The following SAXO1 variants were observed in gnomAD, a reference collection of about 807,000 sequenced individuals.
The protein encoded by SAXO1 is stabilizer of axonemal microtubules 1, also known as 4930500O09Rik.
Under a neutral mutation model 17.5 loss-of-function variants are expected in SAXO1, and 21 were observed. The ratio of observed to expected loss-of-function variants is 1.20; its 90% CI spans 0.85 to 1.72. The LOEUF (loss-of-function observed/expected upper bound fraction) is 1.72, where lower values mean the gene tolerates loss of function less well. Among genes scored for constraint, SAXO1 ranks in the 40% most tolerant of loss-of-function variants. SAXO1 has a pLI of 0.00. For missense variants in SAXO1, 843 were observed against 596.0 expected, an observed-to-expected ratio of 1.41 and a Z score of -4.32; for synonymous variants, 274 against 216.5, an observed-to-expected ratio of 1.27 and a Z score of -2.33.
chr9:19,007,957 A>G (rs1183315500), intron 1 of SAXO1, among the ~76,000 whole-genome samples: 1 of 151,244 alleles, frequency 6.6e-6, no homozygotes, highest in Non-Finnish European at 1.5e-5. Flanking sequence ...AAGTCCTCAA[A>G]CATTTACTAC....
At chr9:18,980,686 C>A (rs1263711036) in intron 1 of SAXO1, among the ~76,000 whole-genome samples, 4 of 144,158 alleles carry the variant, frequency 2.8e-5, no homozygotes, top group African/African-American at 1.0e-4. Flanking sequence ...AGTTTCCTGG[C>A]AAGTCACAAA....
chr9:18,996,424 G>A (rs1225343984), intron 1 of SAXO1, among the ~76,000 whole-genome samples: 1 of 152,182 alleles, frequency 6.6e-6, no homozygotes, highest in Non-Finnish European at 1.5e-5. Context: ...ATAACCTATT[G>A]CTCCTAGGCT....
intron 3 of SAXO1, among the ~76,000 whole-genome samples, chr9:18,931,021 A>C (rs2131669398): frequency 6.6e-6 from 1 of 152,372 alleles, no homozygotes; most frequent in East Asian, 1.9e-4. Flanking sequence ...AATTTGTAAC[A>C]GTTTTATTGA....
chr9:18,942,454 G>C (rs73648811), intron 2 of SAXO1, among the ~76,000 whole-genome samples: 17,148 of 151,906 alleles, frequency 0.11, 1,644 homozygotes, highest in African/African-American at 0.27. Flanking sequence ...CACTGCGGAG[G>C]TATCTTCCTT....
chr9:18,928,349 G>C lies in SAXO1; in HGVS notation c.1128C>G (p.Ala376=). ...TGATAGGCAGGTGGGGCACATAGTG[G>C]GCCCGAGTGGTGGTCAGGCAGTCCA... The part of the protein sequence containing the change: ...EPLDCLTTTR[A]HYVPHLPINT... Residue 376 remains alanine, a synonymous_variant, in exon 4 of 4, where the codon GCC becomes GCG. Coordinates refer to ENST00000380534, the MANE Select transcript of SAXO1 (RefSeq NM_153707.4). The C allele has an allele frequency of 6.2e-7, 1 of 1,613,450 alleles. No individual in the cohort carries two copies. Among genetic ancestry groups the C allele is most frequent in the Non-Finnish European group, 8.5e-7 (1 of 1,179,756 alleles).
At chr9:18,967,363 G>C (rs1329806250) in intron 1 of SAXO1, among the ~76,000 whole-genome samples, 5 of 151,800 alleles carry the variant, frequency 3.3e-5, no homozygotes, top group Non-Finnish European at 2.9e-5. Context: ...CCTTCCCCCA[G>C]GTGCTCTGTC....
chr9:19,009,700 A>G (rs1834644933), intron 1 of SAXO1, among the ~76,000 whole-genome samples: 1 of 152,204 alleles, frequency 6.6e-6, no homozygotes, highest in Non-Finnish European at 1.5e-5. Context: ...CAGCTGTGAG[A>G]AATCCTGACC....
intron 1 of SAXO1, among the ~76,000 whole-genome samples, chr9:19,010,200 G>T (rs1267186801): frequency 1.3e-5 from 2 of 151,932 alleles, no homozygotes; most frequent in Admixed American, 6.6e-5. Context: ...ACCTAGTAAG[G>T]TTTATTTTCA....
intron 1 of SAXO1, among the ~76,000 whole-genome samples, chr9:19,030,825 T>C (rs7866883): frequency 0.12 from 17,941 of 152,236 alleles, 1,838 homozygotes; most frequent in African/African-American, 0.28. Flanking sequence ...ATGGGGCAGA[T>C]ACCAGAATAA....
intron 3 of SAXO1, among the ~76,000 whole-genome samples, chr9:18,936,412 G>T (rs910138885): frequency 6.6e-6 from 1 of 152,100 alleles, no homozygotes; most frequent in Admixed American, 6.5e-5. Flanking sequence ...TCTACCTGTA[G>T]ATGCCTACGC....
intron 3 of SAXO1, among the ~76,000 whole-genome samples, chr9:18,932,244 T>C (rs1448408912): frequency 3.9e-5 from 6 of 152,254 alleles, no homozygotes. Context: ...TCTTTTTGCA[T>C]GTGGATATCC....
intron 1 of SAXO1, among the ~76,000 whole-genome samples, chr9:18,979,830 G>T (rs1588472713): frequency 6.6e-6 from 1 of 152,162 alleles, no homozygotes; most frequent in Non-Finnish European, 1.5e-5. Context: ...AAAAGAGAAA[G>T]ACCTCATTTT....
intron 1 of SAXO1, among the ~76,000 whole-genome samples, chr9:19,002,277 A>G (rs1231866702): frequency 1.3e-5 from 2 of 152,216 alleles, no homozygotes; most frequent in Non-Finnish European, 2.9e-5. Flanking sequence ...AAAAAAGTCC[A>G]GGACCAGATG....
chr9:19,031,983 A>G (rs1306942471), intron 1 of SAXO1, among the ~76,000 whole-genome samples: 1 of 152,162 alleles, frequency 6.6e-6, no homozygotes, highest in African/African-American at 2.4e-5. Context: ...ATTAAGCACA[A>G]TCCATGTACC....
chr9:19,000,567 G>A (rs1362804927), intron 1 of SAXO1, among the ~76,000 whole-genome samples: 4 of 151,998 alleles, frequency 2.6e-5, no homozygotes, highest in Admixed American at 6.5e-5. Context: ...CTGCCCATAC[G>A]CCCCACCATC....
At chr9:19,034,128 T>C (rs974524222), upstream of SAXO1, among the ~76,000 whole-genome samples, 5 of 152,256 alleles carry the variant, frequency 3.3e-5, no homozygotes, top group African/African-American at 9.6e-5. Flanking sequence ...TTCCTGCTTA[T>C]GGGAAATGGG....
At chr9:19,024,766 A>C (rs1333291419) in intron 1 of SAXO1, among the ~76,000 whole-genome samples, 2 of 151,620 alleles carry the variant, frequency 1.3e-5, no homozygotes, top group African/African-American at 4.9e-5. Context: ...GGTCTCATTC[A>C]TCTAAGGGTA....
intron 3 of SAXO1, among the ~76,000 whole-genome samples, 187 bp downstream of exon 3, chr9:18,941,450 T>TA (rs529771092): frequency 4.7e-4 from 71 of 151,572 alleles, no homozygotes; most frequent in African/African-American, 1.4e-3. Flanking sequence ...TTTCAATTAT[T>TA]AAAAAAAAAT....
chr9:19,003,382 G>T (rs187395108), intron 1 of SAXO1, among the ~76,000 whole-genome samples: 1 of 152,136 alleles, frequency 6.6e-6, no homozygotes, highest in Admixed American at 6.5e-5. Context: ...TCACAGAATT[G>T]GAAAAAACTA....
Sources: gnomAD v4.1 joint callset for allele counts (sites outside exome capture counted in the v4.1 genomes callset) on GRCh38, gnomAD v4.1.1 for gene constraint, MANE v1.5 for transcripts, NCBI Gene and HGNC (gene_info 2026-07-23, HGNC 2026-07-21) for gene names.